The following SCHIP1 variants were observed in gnomAD, a reference collection of about 807,000 sequenced individuals.
The protein encoded by SCHIP1 is schwannomin interacting protein 1.
SCHIP1 carries 8 observed loss-of-function variants against 29.7 expected under a neutral mutation model. The ratio of observed to expected loss-of-function variants is 0.27; its 90% CI spans 0.16 to 0.49. SCHIP1 has a LOEUF of 0.49. Ranked by LOEUF, SCHIP1 falls within the 20% of genes least tolerant of loss-of-function variation. The pLI, the probability that SCHIP1 is intolerant of heterozygous loss-of-function variation, is 0.99. For synonymous variants in SCHIP1, 76 were observed against 94.9 expected (o/e 0.80, Z 1.16); for missense variants, 193 against 294.6 (o/e 0.66, Z 2.52).
chr3:159,537,737 C>A, the SCHIP1 span, among the ~76,000 whole-genome samples: 1 of 152,068 alleles, frequency 6.6e-6, no homozygotes, highest in African/African-American at 2.4e-5. Flanking sequence ...ACAAGATTAA[C>A]TTTTATGGCT....
the SCHIP1 span, among the ~76,000 whole-genome samples, chr3:159,294,377 C>A: frequency 6.6e-6 from 1 of 152,106 alleles, no homozygotes; most frequent in Middle Eastern, 3.2e-3. Flanking sequence ...TAAGCTCTCA[C>A]AAGCTGGAAC....
At chr3:159,421,902 T>TG in the SCHIP1 span, among the ~76,000 whole-genome samples, 23 of 152,174 alleles carry the variant, frequency 1.5e-4, no homozygotes, top group Non-Finnish European at 3.1e-4. Context: ...AATTAAGTCA[T>TG]GTTGCAATTT....
At chr3:159,878,836 A>T (rs1716150913) in intron 2 of SCHIP1, among the ~76,000 whole-genome samples, 1 of 150,582 alleles carries the variant, frequency 6.6e-6, no homozygotes, top group African/African-American at 2.4e-5. Flanking sequence ...AATAAATAAA[A>T]ATAAATAAAT....
At chr3:159,446,700 G>T in the SCHIP1 span, among the ~76,000 whole-genome samples, 1 of 152,164 alleles carries the variant, frequency 6.6e-6, no homozygotes, top group Non-Finnish European at 1.5e-5. Context: ...GCAACCAATA[G>T]TTCAGTGATT....
chr3:159,461,776 C>G, the SCHIP1 span, among the ~76,000 whole-genome samples: 2 of 151,964 alleles, frequency 1.3e-5, no homozygotes, highest in African/African-American at 4.8e-5. Context: ...ATATACATCT[C>G]TGTTTAAATT....
the SCHIP1 span, among the ~76,000 whole-genome samples, chr3:159,755,803 T>C: frequency 2.6e-5 from 4 of 152,342 alleles, no homozygotes; most frequent in African/African-American, 4.8e-5. Context: ...ATGGGACACA[T>C]TGGCCAAAAC....
chr3:159,370,588 A>C, the SCHIP1 span, among the ~76,000 whole-genome samples: 6 of 152,172 alleles, frequency 3.9e-5, no homozygotes, highest in Non-Finnish European at 7.3e-5. Context: ...AAAGCATTTG[A>C]ATCTTTCTGA....
chr3:159,538,502 TCTC>T, the SCHIP1 span, among the ~76,000 whole-genome samples: 1 of 152,142 alleles, frequency 6.6e-6, no homozygotes, highest in Admixed American at 6.6e-5. Flanking sequence ...ACACTTACCA[TCTC>T]CTCTTGTGTG....
At chr3:159,528,744 G>T in the SCHIP1 span, among the ~76,000 whole-genome samples, 1 of 152,168 alleles carries the variant, frequency 6.6e-6, no homozygotes. Flanking sequence ...AAACATAATG[G>T]CAAAAGGATG....
At chr3:159,465,350 T>C in the SCHIP1 span, among the ~76,000 whole-genome samples, 3 of 150,514 alleles carry the variant, frequency 2.0e-5, no homozygotes, top group Non-Finnish European at 4.4e-5. Context: ...TTTGTGTGCG[T>C]GTGTGTGTGT....
chr3:159,870,783 G>C (rs914668269), intron 2 of SCHIP1, among the ~76,000 whole-genome samples: 1 of 151,828 alleles, frequency 6.6e-6, no homozygotes, highest in Non-Finnish European at 1.5e-5. Context: ...ATTTTTGCTT[G>C]GTTTTAGTAT....
chr3:159,799,895 ATAACT>A, the SCHIP1 span, among the ~76,000 whole-genome samples: 1 of 152,218 alleles, frequency 6.6e-6, no homozygotes. Flanking sequence ...TTCTAGAAAG[ATAACT>A]TAAGGTAGAT....
the SCHIP1 span, among the ~76,000 whole-genome samples, chr3:159,707,035 G>C: frequency 6.6e-6 from 1 of 152,208 alleles, no homozygotes; most frequent in Non-Finnish European, 1.5e-5. Flanking sequence ...GTCTAGAGGA[G>C]AGAAGGTAGA....
chr3:159,550,573 A>G, the SCHIP1 span, among the ~76,000 whole-genome samples: 5 of 152,138 alleles, frequency 3.3e-5, no homozygotes, highest in Non-Finnish European at 7.4e-5. Context: ...TTTCATTTCC[A>G]TATAGAAAGT....
At chr3:159,618,873 C>G in the SCHIP1 span, among the ~76,000 whole-genome samples, 1 of 152,212 alleles carries the variant, frequency 6.6e-6, no homozygotes, top group African/African-American at 2.4e-5. Flanking sequence ...TGATTGCATC[C>G]CGGAAGCCAC....
At chr3:159,639,114 A>G in the SCHIP1 span, among the ~76,000 whole-genome samples, 1 of 152,084 alleles carries the variant, frequency 6.6e-6, no homozygotes, top group African/African-American at 2.4e-5. Flanking sequence ...TTTTTGTGAG[A>G]GGCAGTCAGT....
At chr3:159,488,725 C>A in the SCHIP1 span, among the ~76,000 whole-genome samples, 1 of 152,062 alleles carries the variant, frequency 6.6e-6, no homozygotes, top group South Asian at 2.1e-4. Flanking sequence ...TGCCCCTTGG[C>A]GCCATCAAAG....
the SCHIP1 span, among the ~76,000 whole-genome samples, chr3:159,583,215 T>G: frequency 6.6e-6 from 1 of 152,152 alleles, no homozygotes; most frequent in South Asian, 2.1e-4. Flanking sequence ...TTCTAGGGTA[T>G]GTAAGTGACT....
At chr3:159,890,160 T>G (rs949998687) in intron 5 of SCHIP1, among the ~76,000 whole-genome samples, 1 of 152,020 alleles carries the variant, frequency 6.6e-6, no homozygotes, top group Admixed American at 6.6e-5. Context: ...CTGAAGCATT[T>G]ACAGATAAAA....
Sources: allele counts gnomAD v4.1 joint callset (sites outside exome capture counted in the v4.1 genomes callset), GRCh38; gene constraint gnomAD v4.1.1; transcripts MANE v1.5; gene names NCBI Gene and HGNC (gene_info 2026-07-23, HGNC 2026-07-21).